Variants in TGFBR3 observed in about 807,000 individuals in gnomAD.
TGFBR3 encodes the protein transforming growth factor beta receptor 3.
TGFBR3 carries 46 observed loss-of-function variants against 87.9 expected under a neutral mutation model. That is an observed-to-expected ratio of 0.52 (90% CI 0.41 to 0.67). The LOEUF (loss-of-function observed/expected upper bound fraction) is 0.67, where lower values mean the gene tolerates loss of function less well. TGFBR3 is among the 30% of genes least tolerant of loss of function. The probability of loss-of-function intolerance (pLI) is 0.00; values close to 1 mark genes in which losing one functional copy is unlikely to be tolerated. For synonymous variants in TGFBR3, 381 were observed against 391.6 expected (o/e 0.97, Z 0.32); for missense variants, 866 against 1,041.9 (o/e 0.83, Z 2.32).
At chr1:91,842,691 CCT>C (rs1677331694) in intron 2 of TGFBR3, among the ~76,000 whole-genome samples, 1 of 152,164 alleles carries the variant, frequency 6.6e-6, no homozygotes, top group African/African-American at 2.4e-5. Flanking sequence ...TCTCTCTCCC[CCT>C]CTTTTCCTAC....
chr1:91,807,220 A>G (rs1170817020), intron 2 of TGFBR3, among the ~76,000 whole-genome samples: 1 of 152,214 alleles, frequency 6.6e-6, no homozygotes, highest in Non-Finnish European at 1.5e-5. Context: ...GGGTTTTTCA[A>G]CAATAAAACC....
At chr1:91,861,766 A>G in intron 1 of TGFBR3, 122 bp from the exon 2 acceptor site, 1 of 552,630 alleles carries the variant, frequency 1.8e-6, no homozygotes, top group Non-Finnish European at 3.3e-6. Flanking sequence ...AAGATGCAAA[A>G]TAGCACTCAA....
At chr1:91,778,867 C>A (rs558734741) in intron 3 of TGFBR3, among the ~76,000 whole-genome samples, 1 of 152,216 alleles carries the variant, frequency 6.6e-6, no homozygotes, top group Admixed American at 6.5e-5. Flanking sequence ...GAGAGTGTGT[C>A]TGTTGTGGGG....
At chr1:91,730,379 T>C (rs1319187964) in intron 5 of TGFBR3, among the ~76,000 whole-genome samples, 2 of 152,194 alleles carry the variant, frequency 1.3e-5, no homozygotes, top group African/African-American at 4.8e-5. Flanking sequence ...TTTGAAAAGC[T>C]CGTAGTAGAT....
In TGFBR3 at chr1:91,680,931, A is replaced by G. The variant is rs1670888160; in HGVS notation, c.*2808T>C. 4.4e-6 allele frequency: 2 copies of G among 454,004 alleles called. No homozygotes were observed. Among genetic ancestry groups the G allele is most frequent in the Non-Finnish European group, 8.8e-6 (2 of 226,776 alleles). 28.1% of individuals were successfully genotyped at this position (454,004 alleles called of 1,614,324 possible). A position where few individuals can be genotyped will look rare whatever the true frequency, so the allele number is the denominator to read the frequency against. On this transcript the variant is annotated 3_prime_UTR_variant, in exon 17 of 17. Coordinates refer to ENST00000212355, the MANE Select transcript of TGFBR3 (RefSeq NM_003243.5). Reference sequence around the variant, plus strand: ...GAAGAAATCTCTGGCTTTTTAAAATACAGAGTAACAGCTGGTAAACACCAC... The same window carrying G: ...GAAGAAATCTCTGGCTTTTTAAAATGCAGAGTAACAGCTGGTAAACACCAC...
chr1:91,702,022 G>A (rs144763629), intron 14 of TGFBR3, among the ~76,000 whole-genome samples: 1 of 152,270 alleles, frequency 6.6e-6, no homozygotes, highest in African/African-American at 2.4e-5. Context: ...ATTTGGAAAC[G>A]TCTAGAGACA....
chr1:91,773,461 C>T (rs1248546868), intron 3 of TGFBR3, among the ~76,000 whole-genome samples: 1 of 152,090 alleles, frequency 6.6e-6, no homozygotes, highest in East Asian at 1.9e-4. Flanking sequence ...GGGCAGATCA[C>T]CTGAAGTCAG....
rs72965098 is a variant in TGFBR3, at chr1:91,739,388, A to T, written c.385-4429T>A. On this transcript the variant is annotated intron_variant, in intron 4 of 16. Transcript: ENST00000212355. The stretch of plus-strand genomic sequence containing the variant: ...ATCCTTATACCCATAATTCTCCCAA[A>T]ATAAATGCAAAGTCTTATAGTTATT... 4.1e-3 allele frequency among the ~76,000 whole-genome samples: 628 copies of T among 152,258 alleles called. 6 individuals are homozygous for T. The highest frequency in any genetic ancestry group is 0.014 in the African/African-American group (597 of 41,538).
intron 1 of TGFBR3, among the ~76,000 whole-genome samples, chr1:91,885,365 G>GA (rs1316705117): frequency 7.2e-6 from 1 of 138,044 alleles, no homozygotes; most frequent in East Asian, 2.3e-4. Flanking sequence ...ACCGGGGCGG[G>GA]GGGGGGCCGA....
chr1:91,742,779 G>A (rs186250025), intron 4 of TGFBR3, among the ~76,000 whole-genome samples: 1 of 152,198 alleles, frequency 6.6e-6, no homozygotes, highest in East Asian at 1.9e-4. Flanking sequence ...GTGCACCCTG[G>A]ACTCTCCTGA....
chr1:91,814,667 C>T (rs1221680595), intron 2 of TGFBR3, among the ~76,000 whole-genome samples: 2 of 152,086 alleles, frequency 1.3e-5, no homozygotes, highest in African/African-American at 4.8e-5. Context: ...AACAGGCCGA[C>T]ACCTACTTCT....
At chr1:91,826,291 T>A (rs1032077719) in intron 2 of TGFBR3, among the ~76,000 whole-genome samples, 1 of 152,178 alleles carries the variant, frequency 6.6e-6, no homozygotes. Context: ...CGCCTCTTCA[T>A]TACCTTGTCC....
intron 2 of TGFBR3, among the ~76,000 whole-genome samples, chr1:91,823,744 G>A (rs1200690469): frequency 6.6e-6 from 1 of 152,238 alleles, no homozygotes; most frequent in Non-Finnish European, 1.5e-5. Flanking sequence ...AAGGGGTGGA[G>A]ATGGATAATA....
chr1:91,819,450 A>T (rs747051243), intron 2 of TGFBR3, among the ~76,000 whole-genome samples: 4 of 152,122 alleles, frequency 2.6e-5, no homozygotes, highest in Admixed American at 1.3e-4. Flanking sequence ...GGGATCCCAC[A>T]GGCTAAAAAT....
chr1:91,731,402 C>T (rs550664833), intron 5 of TGFBR3, among the ~76,000 whole-genome samples: 3 of 152,234 alleles, frequency 2.0e-5, no homozygotes, highest in Admixed American at 6.5e-5. Flanking sequence ...CGGCTCGTTG[C>T]GAGAGAGCAT....
At chr1:91,720,650 T>A (rs539022955) in intron 8 of TGFBR3, among the ~76,000 whole-genome samples, 80 of 152,342 alleles carry the variant, frequency 5.3e-4, no homozygotes, top group African/African-American at 1.8e-3. Context: ...CATGTGTAAC[T>A]GCAATGTGCA....
intron 2 of TGFBR3, 108 bp from the exon 3 acceptor site, chr1:91,797,579 G>T: frequency 8.1e-7 from 1 of 1,232,028 alleles, no homozygotes. Flanking sequence ...TGCCTTTCCA[G>T]GTAAACTGTT....
intron 4 of TGFBR3, among the ~76,000 whole-genome samples, chr1:91,751,966 A>G (rs528545959): frequency 2.5e-4 from 38 of 152,302 alleles, no homozygotes; most frequent in African/African-American, 8.9e-4. Flanking sequence ...GCTGGGAGGA[A>G]CTTTAGAGAT....
chr1:91,887,236 CTTTT>C (rs71087977), upstream of TGFBR3, among the ~76,000 whole-genome samples: 4 of 41,414 alleles, frequency 9.7e-5, no homozygotes, highest in Admixed American at 4.4e-4. Context: ...GGACCTATGC[CTTTT>C]TTTTTTTTTT....
Sources: allele counts gnomAD v4.1 joint callset (sites outside exome capture counted in the v4.1 genomes callset), GRCh38; gene constraint gnomAD v4.1.1; transcripts MANE v1.5; gene names NCBI Gene and HGNC (gene_info 2026-07-23, HGNC 2026-07-21).